The following NRG3 variants were observed in gnomAD, a reference collection of about 807,000 sequenced individuals.
NRG3 encodes neuregulin 3.
In NRG3, 31 loss-of-function variants were observed where a neutral mutation model predicts 66.9. The observed-to-expected ratio is 0.46, with a 90% confidence interval of 0.35 to 0.63. The LOEUF (loss-of-function observed/expected upper bound fraction) is 0.63. Among genes scored for constraint, NRG3 ranks in the 20% least tolerant of loss-of-function variants. NRG3 has a pLI of 0.00. For synonymous variants in NRG3, 393 were observed against 359.4 expected (o/e 1.09, Z -1.06); for missense variants, 910 against 878.9 (o/e 1.04, Z -0.45).
chr10:82,314,035 AC>A (rs1802837274), intron 1 of NRG3, among the ~76,000 whole-genome samples: 6 of 152,226 alleles, frequency 3.9e-5, no homozygotes, highest in African/African-American at 1.4e-4. Context: ...TGGGCAAGTT[AC>A]TTGACTTCTC....
chr10:82,772,704 CTTT>C (rs745609399), intron 3 of NRG3, among the ~76,000 whole-genome samples: 2 of 111,730 alleles, frequency 1.8e-5, no homozygotes, highest in East Asian at 2.6e-4. Flanking sequence ...GCTTCCATAT[CTTT>C]TTTTTTTTTT....
intron 3 of NRG3, among the ~76,000 whole-genome samples, chr10:82,791,712 A>G (rs2060595405): frequency 6.6e-6 from 1 of 152,172 alleles, no homozygotes; most frequent in African/African-American, 2.4e-5. Context: ...CCATATTTTC[A>G]TCTTAAGCTT....
At chr10:82,125,062 C>G (rs746382879) in intron 1 of NRG3, among the ~76,000 whole-genome samples, 14 of 152,012 alleles carry the variant, frequency 9.2e-5, no homozygotes, top group African/African-American at 2.4e-4. Context: ...CTTTTGCTGT[C>G]AAATCGCCTC....
At chr10:81,980,056 C>G (rs1306324366) in intron 1 of NRG3, among the ~76,000 whole-genome samples, 1 of 152,210 alleles carries the variant, frequency 6.6e-6, no homozygotes, top group Non-Finnish European at 1.5e-5. Flanking sequence ...TGGTGTTTCA[C>G]AAATTTTATA....
chr10:82,926,881 C>T (rs1174586197), intron 4 of NRG3, among the ~76,000 whole-genome samples: 4 of 152,188 alleles, frequency 2.6e-5, no homozygotes, highest in African/African-American at 9.6e-5. Context: ...ATCCATTGAA[C>T]ATGTCTCAAC....
intron 1 of NRG3, among the ~76,000 whole-genome samples, chr10:82,277,513 A>G (rs916765130): frequency 6.6e-5 from 10 of 152,088 alleles, no homozygotes; most frequent in African/African-American, 2.4e-4. Flanking sequence ...GATAATAATA[A>G]TCATATCTTT....
chr10:81,877,662 A>C (rs1841796147), intron 1 of NRG3: 1 of 1,255,144 alleles, frequency 8.0e-7, no homozygotes, highest in Non-Finnish European at 1.0e-6. Context: ...TTTGGAAAAA[A>C]CCGTCTAGAA....
chr10:82,490,483 T>A (rs1843002800), intron 2 of NRG3, among the ~76,000 whole-genome samples: 1 of 152,162 alleles, frequency 6.6e-6, no homozygotes, highest in African/African-American at 2.4e-5. Context: ...CTTACTTCTC[T>A]CCAAGCTCTT....
At chr10:82,886,293 C>T (rs1406180021) in intron 4 of NRG3, among the ~76,000 whole-genome samples, 2 of 152,170 alleles carry the variant, frequency 1.3e-5, no homozygotes, top group African/African-American at 4.8e-5. Flanking sequence ...ATTTCCCTTA[C>T]TCATTTATCT....
At chr10:82,298,262 G>C (rs2134718535) in intron 1 of NRG3, among the ~76,000 whole-genome samples, 1 of 151,226 alleles carries the variant, frequency 6.6e-6, no homozygotes, top group East Asian at 2.0e-4. Context: ...AGGGAGGGAG[G>C]GAAGGAAGGG....
chr10:82,098,263 A>G (rs1236478532), intron 1 of NRG3, among the ~76,000 whole-genome samples: 2 of 151,066 alleles, frequency 1.3e-5, no homozygotes, highest in Non-Finnish European at 3.0e-5. Flanking sequence ...TATGTCATAT[A>G]TAGATGTCAT....
intron 2 of NRG3, among the ~76,000 whole-genome samples, chr10:82,572,013 T>C (rs886241504): frequency 4.0e-5 from 6 of 151,714 alleles, no homozygotes; most frequent in African/African-American, 1.5e-4. Context: ...TTTAAGTATT[T>C]ATTACACAGT....
Position 81,875,234 on chromosome 10 carries a change from G to C in NRG3, c.-107G>C. On this transcript the variant is annotated 5_prime_UTR_variant, in exon 1 of 9. Coordinates refer to ENST00000372141, the MANE Select transcript of NRG3 (RefSeq NM_001010848.4). The surrounding 1 kb of genome is among the most constrained non-coding windows in gnomAD (Gnocchi z 5.3). Reference sequence around the variant, plus strand: ...CGCCGCGGCCGCTGCCTGCGCCCGAGCCCGCCGCCGCCGCCGGAGCCCGCG... The same window carrying C: ...CGCCGCGGCCGCTGCCTGCGCCCGACCCCGCCGCCGCCGCCGGAGCCCGCG... 1.6e-6 allele frequency: 1 copy of C among 623,474 alleles called. No individual in the cohort carries two copies. Among genetic ancestry groups the C allele is most frequent in the Non-Finnish European group, 2.0e-6 (1 of 502,852 alleles). 38.6% of individuals were successfully genotyped at this position (623,474 alleles called of 1,614,324 possible).
intron 1 of NRG3, among the ~76,000 whole-genome samples, chr10:82,106,231 C>A (rs777209237): frequency 4.6e-5 from 7 of 151,868 alleles, no homozygotes; most frequent in Non-Finnish European, 7.3e-5. Context: ...CAGTACTGAA[C>A]ATTAAGCCAA....
intron 1 of NRG3, among the ~76,000 whole-genome samples, chr10:82,228,069 T>C (rs1035541774): frequency 6.6e-6 from 1 of 152,112 alleles, no homozygotes; most frequent in Non-Finnish European, 1.5e-5. Context: ...GATGAGAATA[T>C]CAACAGGGCC....
chr10:82,141,302 A>G (rs1296066429), intron 1 of NRG3, among the ~76,000 whole-genome samples: 1 of 152,272 alleles, frequency 6.6e-6, no homozygotes, highest in East Asian at 1.9e-4. Context: ...TGCTTTTTAG[A>G]TAACTCACTG....
intron 1 of NRG3, among the ~76,000 whole-genome samples, chr10:82,066,672 C>G (rs920102289): frequency 6.6e-6 from 1 of 152,164 alleles, no homozygotes; most frequent in Non-Finnish European, 1.5e-5. Context: ...ATTCACTTCA[C>G]GAAGACCTGA....
At chr10:82,057,467 T>C (rs889572316) in intron 1 of NRG3, among the ~76,000 whole-genome samples, 1 of 152,132 alleles carries the variant, frequency 6.6e-6, no homozygotes, top group Non-Finnish European at 1.5e-5. Context: ...TCCTCATTTG[T>C]ATAATAATTT....
At chr10:81,985,904 G>A (rs1404528664) in intron 1 of NRG3, among the ~76,000 whole-genome samples, 2 of 152,178 alleles carry the variant, frequency 1.3e-5, no homozygotes, top group African/African-American at 2.4e-5. Flanking sequence ...GCATAAATCT[G>A]TATCAGTCAT....
Sources: gnomAD v4.1 joint callset for allele counts (sites outside exome capture counted in the v4.1 genomes callset) on GRCh38, gnomAD v4.1.1 for gene constraint, Gnocchi (gnomAD v3.1) non-coding constraint, MANE v1.5 for transcripts, NCBI Gene and HGNC (gene_info 2026-07-23, HGNC 2026-07-21) for gene names.